Variants in GRIP1 observed in about 807,000 individuals in gnomAD.
GRIP1 encodes glutamate receptor interacting protein 1.
Under a neutral mutation model 129.9 loss-of-function variants are expected in GRIP1, and 45 were observed. That is an observed-to-expected ratio of 0.35 (90% CI 0.27 to 0.44). GRIP1 has a LOEUF of 0.44. Among genes scored for constraint, GRIP1 ranks in the 20% least tolerant of loss-of-function variants. The pLI is 1.00. For synonymous variants in GRIP1, 530 were observed against 520.8 expected, an observed-to-expected ratio of 1.02 and a Z score of -0.24; for missense variants, 1,196 against 1,396.8, an observed-to-expected ratio of 0.86 and a Z score of 2.29.
At chr12:66,705,101 A>G (rs2035481483) in intron 1 of GRIP1, among the ~76,000 whole-genome samples, 1 of 152,130 alleles carries the variant, frequency 6.6e-6, no homozygotes, top group African/African-American at 2.4e-5. Flanking sequence ...ATGATTAGTA[A>G]GAAGTAGGGC....
chr12:66,635,316 G>C (rs1187097369), intron 1 of GRIP1, among the ~76,000 whole-genome samples: 1 of 151,730 alleles, frequency 6.6e-6, no homozygotes, highest in African/African-American at 2.4e-5. Flanking sequence ...CTACTTGCAG[G>C]GGGTGGCTGA....
intron 1 of GRIP1, among the ~76,000 whole-genome samples, chr12:66,776,688 G>A (rs2037991977): frequency 6.6e-6 from 1 of 151,944 alleles, no homozygotes; most frequent in South Asian, 2.1e-4. Flanking sequence ...AGGAAGAGCG[G>A]GGTAGAATCT....
intron 1 of GRIP1, among the ~76,000 whole-genome samples, chr12:66,732,106 A>AT (rs939891080): frequency 2.2e-4 from 34 of 151,448 alleles, no homozygotes; most frequent in Non-Finnish European, 3.5e-4. Context: ...TTATATGTAG[A>AT]TTTTTTTTTC....
chr12:66,464,016 G>T (rs1005211658), intron 8 of GRIP1, among the ~76,000 whole-genome samples: 16 of 152,172 alleles, frequency 1.1e-4, no homozygotes, highest in Non-Finnish European at 7.4e-5. Context: ...GACCACTACG[G>T]GGGGTTGCTG....
intron 1 of GRIP1, among the ~76,000 whole-genome samples, chr12:66,722,498 A>T (rs1038370954): frequency 2.0e-5 from 3 of 152,194 alleles, no homozygotes; most frequent in Non-Finnish European, 4.4e-5. Context: ...CACTAACCAC[A>T]GATCACCATA....
At chr12:66,905,927 C>G (rs1327034415) in intron 1 of GRIP1, among the ~76,000 whole-genome samples, 8 of 151,878 alleles carry the variant, frequency 5.3e-5, no homozygotes, top group African/African-American at 1.7e-4. Flanking sequence ...TTTAAAGGAA[C>G]ATTTTCTGCA....
chr12:66,886,960 G>T (rs1732647), intron 1 of GRIP1, among the ~76,000 whole-genome samples: 102,802 of 152,046 alleles, frequency 0.68, 35,348 homozygotes, highest in Middle Eastern at 0.8. Flanking sequence ...AGAGCTATAC[G>T]AGAGGTCTAT....
chr12:66,697,775 T>C (rs1051952125), intron 1 of GRIP1, among the ~76,000 whole-genome samples: 11 of 152,178 alleles, frequency 7.2e-5, no homozygotes, highest in Non-Finnish European at 1.2e-4. Context: ...GATTCGAAAG[T>C]ATTTTTAGTG....
At chr12:66,466,318 G>T (rs1202029505) in intron 7 of GRIP1, among the ~76,000 whole-genome samples, 2 of 152,180 alleles carry the variant, frequency 1.3e-5, no homozygotes, top group Admixed American at 6.5e-5. Context: ...TGAAGGTAGA[G>T]ACTATGTCTT....
At chr12:66,588,148 G>C (rs912921040) in intron 2 of GRIP1, among the ~76,000 whole-genome samples, 1 of 152,020 alleles carries the variant, frequency 6.6e-6, no homozygotes, top group Admixed American at 6.6e-5. Flanking sequence ...ATAAAGCATA[G>C]TTATGGTGTT....
intron 1 of GRIP1, among the ~76,000 whole-genome samples, chr12:66,896,407 G>T (rs1184576405): frequency 6.9e-6 from 1 of 144,152 alleles, no homozygotes; most frequent in African/African-American, 2.5e-5. Flanking sequence ...AGATGGCAAG[G>T]GAGATCAACA....
intron 1 of GRIP1, among the ~76,000 whole-genome samples, chr12:67,057,918 A>C (rs2043465906): frequency 6.6e-6 from 1 of 152,252 alleles, no homozygotes; most frequent in Admixed American, 6.5e-5. Flanking sequence ...TGTAAAAAGA[A>C]ACACTTGAAT....
intron 1 of GRIP1, among the ~76,000 whole-genome samples, chr12:66,817,201 T>TGC (rs201263339): frequency 0.029 from 2,917 of 99,804 alleles, 89 homozygotes; most frequent in African/African-American, 0.11. Flanking sequence ...ATTTTCAGTA[T>TGC]GCACACACAC....
chr12:67,036,203 C>T (rs1224012807), intron 1 of GRIP1, among the ~76,000 whole-genome samples: 2 of 152,056 alleles, frequency 1.3e-5, no homozygotes, highest in African/African-American at 2.4e-5. Context: ...ACTTAGTAGC[C>T]GAGTTTGCAT....
intron 1 of GRIP1, among the ~76,000 whole-genome samples, chr12:66,948,919 TCA>T (rs1181757882): frequency 6.6e-6 from 1 of 152,234 alleles, no homozygotes; most frequent in Non-Finnish European, 1.5e-5. Flanking sequence ...ACTTTCACTC[TCA>T]TTTTAAACCA....
intron 1 of GRIP1, among the ~76,000 whole-genome samples, chr12:67,054,206 C>T (rs536165244): frequency 7.2e-5 from 11 of 152,200 alleles, no homozygotes; most frequent in Non-Finnish European, 1.5e-4. Flanking sequence ...AAAGTGAATG[C>T]AATTATATCA....
intron 1 of GRIP1, among the ~76,000 whole-genome samples, chr12:67,044,121 A>G (rs768703082): frequency 2.0e-5 from 3 of 152,230 alleles, no homozygotes; most frequent in Non-Finnish European, 4.4e-5. Context: ...ACTAATGCTT[A>G]GAGAAAAGCT....
intron 2 of GRIP1, 137 bp downstream of exon 2, chr12:66,596,710 G>A: frequency 1.5e-6 from 1 of 677,634 alleles, no homozygotes; most frequent in East Asian, 2.8e-5. Context: ...AAGTGTTGTA[G>A]AATTCAGTCT....
rs2058593520 is a variant in GRIP1, at chr12:66,445,406, T to C, written c.1457A>G (p.Gln486Arg). The C allele has an allele frequency of 6.2e-7, 1 of 1,614,190 alleles. No homozygotes were observed. The highest frequency in any genetic ancestry group is 1.1e-5 in the South Asian group (1 of 91,084). Residue 486 changes from glutamine (Q) to arginine (R), a missense_variant, in exon 12 of 25, where the codon CAA becomes CGA. This residue lies in a region of GRIP1 where 508 missense variants were observed against 587.0 expected (regional missense o/e 0.87). Transcript: ENST00000359742. Reference sequence around the variant, plus strand: ...TGTGGCAAACACACTGCCCTGCAGTTGGATCCCAAATCCTGTGACAGGATC... The same window carrying C: ...TGTGGCAAACACACTGCCCTGCAGTCGGATCCCAAATCCTGTGACAGGATC... The part of the protein sequence containing the change: ...TADPVTGFGI[Q>R]LQGSVFATET...
Sources: gnomAD v4.1 joint callset for allele counts (sites outside exome capture counted in the v4.1 genomes callset) on GRCh38, gnomAD v4.1.1 for gene constraint, gnomAD v4.1.1 regional missense constraint, MANE v1.5 for transcripts, NCBI Gene and HGNC (gene_info 2026-07-23, HGNC 2026-07-21) for gene names.